The following CEACAM1 variants were observed in gnomAD, a reference collection of about 807,000 sequenced individuals.
CEACAM1 encodes cell adhesion molecule CEACAM1.
A neutral mutation model predicts 49.1 loss-of-function variants in CEACAM1; 31 were observed. The ratio of observed to expected loss-of-function variants is 0.63; its 90% CI spans 0.47 to 0.85. The LOEUF is 0.85. CEACAM1 is among the 40% of genes least tolerant of loss of function. The probability of loss-of-function intolerance (pLI) is 0.00; values close to 1 mark genes in which losing one functional copy is unlikely to be tolerated. For missense variants in CEACAM1, 570 were observed against 645.3 expected, an observed-to-expected ratio of 0.88 and a Z score of 1.26; for synonymous variants, 244 against 247.8, an observed-to-expected ratio of 0.98 and a Z score of 0.14.
chr19:42,524,833 G>A (rs1254877856), intron 2 of CEACAM1, among the ~76,000 whole-genome samples: 1 of 152,148 alleles, frequency 6.6e-6, no homozygotes, highest in African/African-American at 2.4e-5. Context: ...ACCAAGACCA[G>A]GGAGCCCTGA....
At chr19:42,527,450 G>A in intron 1 of CEACAM1, 50 bp from the exon 2 acceptor site, 1 of 1,536,682 alleles carries the variant, frequency 6.5e-7, no homozygotes, top group Non-Finnish European at 8.7e-7. Flanking sequence ...ATGCATTAGG[G>A]TAGAAAAATG....
intron 2 of CEACAM1, 28 bp downstream of exon 2, chr19:42,527,013 C>T: frequency 1.9e-6 from 3 of 1,577,032 alleles, no homozygotes; most frequent in Non-Finnish European, 1.7e-6. Flanking sequence ...AACCCCCCAA[C>T]ACCCAGAGGT....
At chr19:42,513,746 G>A (rs995389860) in intron 5 of CEACAM1, among the ~76,000 whole-genome samples, 2 of 146,678 alleles carry the variant, frequency 1.4e-5, no homozygotes, top group African/African-American at 2.6e-5. Flanking sequence ...AAATTATCTC[G>A]TATGTTTAAT....
Position 42,512,414 on chromosome 19 carries a change from C to T in CEACAM1, c.1312G>A (p.Val438Met), listed in dbSNP as rs1175076318. Residue 438 changes from valine to methionine, a missense_variant, in exon 6 of 9, where the codon GTG (valine) becomes ATG (methionine). Coordinates refer to ENST00000161559, the MANE Select transcript of CEACAM1 (RefSeq NM_001712.5). ...GAIAGIVIGV[V>M]ALVALIAVAL... ...ACTGCTATCAGAGCAACCAGGGCCA[C>T]TACTCCAATCACAATGCCAGCAATG... The T allele has an allele frequency of 6.2e-7, 1 of 1,614,178 alleles. No individual in the cohort carries two copies. Among genetic ancestry groups the T allele is most frequent in the African/African-American group, 1.3e-5 (1 of 75,076 alleles).
intron 5 of CEACAM1, among the ~76,000 whole-genome samples, chr19:42,513,600 A>G (rs1214785548): frequency 6.6e-6 from 1 of 150,586 alleles, no homozygotes; most frequent in Non-Finnish European, 1.5e-5. Flanking sequence ...CTGTCTCAAA[A>G]AACAAACAAA....
intron 4 of CEACAM1, 171 bp from the exon 5 acceptor site, chr19:42,519,406 T>A: frequency 1.6e-6 from 1 of 633,296 alleles, no homozygotes. Flanking sequence ...AGGTCGAGTG[T>A]CTTTGTTCAG....
intron 4 of CEACAM1, among the ~76,000 whole-genome samples, chr19:42,519,706 A>G (rs1222595474): frequency 6.6e-6 from 1 of 151,864 alleles, no homozygotes. Flanking sequence ...AGTAGCTGGG[A>G]CTAAAGGCAT....
rs1161453565 is a variant in CEACAM1, at chr19:42,509,129, A to AG, written c.1560_1561insC (p.Ser521LeufsTer51). On this transcript the variant is annotated frameshift_variant, in exon 9 of 9. Transcript: ENST00000161559. LOFTEE classifies it high-confidence loss of function. ...TTTCATTACTGCTTTTTTACTTCTGAATAAATTATTTCTGTGGCTGTTAGG... is the reference window on the plus strand; with the variant it reads ...TTTCATTACTGCTTTTTTACTTCTGAGATAAATTATTTCTGTGGCTGTTAGG... 5 of 1,614,052 alleles carry AG rather than the reference A, an allele frequency of 3.1e-6. No individual in the cohort carries two copies. The highest frequency in any genetic ancestry group is 4.2e-6 in the Non-Finnish European group (5 of 1,180,014).
Position 42,527,352 on chromosome 19 carries a change from G to T in CEACAM1, c.113C>A (p.Thr38Asn). 1 of 1,612,826 alleles carries T rather than the reference G, an allele frequency of 6.2e-7. No homozygotes were observed. The highest frequency in any genetic ancestry group is 1.1e-5 in the South Asian group (1 of 90,886). ...TGCAACATTGAATGGCATGGATTCA[G>T]TAGTGAGCTGGGCAGTGGTGGGCGG... ...WNPPTTAQLT[T>N]ESMPFNVAEG... The change falls in exon 2 of 9, where the codon ACT becomes AAT. Residue 38 changes from threonine (T) to asparagine (N), a missense_variant. Transcript: ENST00000161559.
At chr19:42,525,885 A>G (rs1459174280) in intron 2 of CEACAM1, 1 of 152,220 alleles carries the variant, frequency 6.6e-6, no homozygotes, top group African/African-American at 2.4e-5. Context: ...TGGTCTGTGA[A>G]TTAACCTTAA....
intron 5 of CEACAM1, chr19:42,516,975 C>A: frequency 3.5e-6 from 1 of 288,808 alleles, no homozygotes; most frequent in Non-Finnish European, 6.7e-6. Flanking sequence ...ATGGTACTGG[C>A]AAAAAGAAAT....
Position 42,508,502 on chromosome 19 carries a change from T to A in CEACAM1, c.*607A>T, listed in dbSNP as rs1318173087. ...GGCTTGCCAGAAGGATTAGGTGGTA[T>A]TCTAGCTAAGCACCAAGGTGCTTAG... On this transcript the variant is annotated 3_prime_UTR_variant, in exon 9 of 9. Transcript: ENST00000161559. 1 of 152,526 alleles carries A rather than the reference T, an allele frequency of 6.6e-6. No homozygotes were observed. The highest frequency in any genetic ancestry group is 2.4e-5 in the African/African-American group (1 of 41,466). The allele number at this position is 152,526 out of a possible 1,614,324, so 9.4% of individuals were successfully genotyped here.
intron 1 of CEACAM1, chr19:42,527,698 CT>C: frequency 3.1e-6 from 1 of 319,828 alleles, no homozygotes; most frequent in Non-Finnish European, 5.7e-6. Flanking sequence ...TTGGGAGATC[CT>C]TTCCCTGACA....
chr19:42,518,203 A>G (rs2041646492), intron 5 of CEACAM1, among the ~76,000 whole-genome samples: 2 of 152,258 alleles, frequency 1.3e-5, no homozygotes, highest in South Asian at 4.1e-4. Context: ...GGCTGAGACC[A>G]GGAGATTGAG....
At position 42,515,766 on chromosome 19, in the gene CEACAM1, A is replaced by G. The variant is rs562840149; in HGVS notation, c.1246+3182T>C. ...ATTCAAATTACTAAAGTCAGAAATG[A>G]AAGTAAAACATTACTACTAATTCTG... On this transcript the variant is annotated intron_variant, in intron 5 of 8. Coordinates refer to ENST00000161559, the MANE Select transcript of CEACAM1 (RefSeq NM_001712.5). 2.0e-5 allele frequency among the ~76,000 whole-genome samples: 3 copies of G among 152,356 alleles called. No homozygotes were observed. In the East Asian group the frequency reaches 5.8e-4, roughly 29 times the overall value.
At chr19:42,522,287 T>G (rs926165327) in intron 2 of CEACAM1, 85 bp from the exon 3 acceptor site, 5 of 1,552,290 alleles carry the variant, frequency 3.2e-6, no homozygotes, top group Non-Finnish European at 4.3e-6. Context: ...TTATTTATTT[T>G]TTTTGGAGAT....
rs562391454 is a variant in CEACAM1, at chr19:42,519,864, T to G, written c.959-629A>C. 4.6e-4 allele frequency among the ~76,000 whole-genome samples: 70 copies of G among 152,310 alleles called. 2 individuals carry two copies. In the South Asian group the frequency reaches 0.011, roughly 24 times the overall value. ...GATTACAGGCGTGAGCCACTGTGCCTGGCCTCCCACTGACCCTTTCCTGGA... is the reference window on the plus strand; with the variant it reads ...GATTACAGGCGTGAGCCACTGTGCCGGGCCTCCCACTGACCCTTTCCTGGA... On this transcript the variant is annotated intron_variant, in intron 4 of 8. Coordinates refer to ENST00000161559, the MANE Select transcript of CEACAM1 (RefSeq NM_001712.5).
chr19:42,512,376 A>G lies in CEACAM1; in HGVS notation c.1350T>C (p.Cys450=), dbSNP rs1375448975. The change falls in exon 6 of 9, where the codon TGT becomes TGC. Residue 450 remains cysteine (C), a synonymous_variant. Transcript: ENST00000161559. ...TGCCGGTCTTCCCGAAATGCAGAAA[A>G]CATGCCAGGGCTACTGCTATCAGAG... ...LVALIAVALA[C]FLHFGKTGRA... is the part of the protein sequence containing the mutation. 1 of 1,614,122 alleles carries G rather than the reference A, an allele frequency of 6.2e-7. No individual in the cohort carries two copies. Among genetic ancestry groups the G allele is most frequent in the Admixed American group, 1.7e-5 (1 of 60,018 alleles).
At chr19:42,524,161 A>G (rs1427743143) in intron 2 of CEACAM1, among the ~76,000 whole-genome samples, 2 of 152,200 alleles carry the variant, frequency 1.3e-5, no homozygotes, top group Non-Finnish European at 2.9e-5. Flanking sequence ...GCAGAGTCTA[A>G]GTGAGACACC....
Sources: gnomAD v4.1 joint callset for allele counts (sites outside exome capture counted in the v4.1 genomes callset) on GRCh38, gnomAD v4.1.1 for gene constraint, MANE v1.5 for transcripts, NCBI Gene and HGNC (gene_info 2026-07-23, HGNC 2026-07-21) for gene names.